CDH12: variants seen among roughly 807,000 people sequenced by gnomAD.
The protein encoded by CDH12 is cadherin 12.
A neutral mutation model predicts 74.1 loss-of-function variants in CDH12; 41 were observed. The observed-to-expected ratio is 0.55, with a 90% CI of 0.43 to 0.72. CDH12 has a LOEUF of 0.72. CDH12 is among the 30% of genes least tolerant of loss of function. The pLI, the probability that CDH12 is intolerant of heterozygous loss-of-function variation, is 0.00. For missense variants in CDH12, 945 were observed against 977.2 expected, an observed-to-expected ratio of 0.97 and a Z score of 0.44; for synonymous variants, 399 against 355.0, an observed-to-expected ratio of 1.12 and a Z score of -1.39.
chr5:22,470,415 T>A (rs569142965), intron 2 of CDH12, among the ~76,000 whole-genome samples: 3 of 72,054 alleles, frequency 4.2e-5, no homozygotes, highest in Non-Finnish European at 8.8e-5. Context: ...TATTTTATTT[T>A]ATTTATTTTA....
intron 2 of CDH12, among the ~76,000 whole-genome samples, chr5:22,489,821 G>A (rs1256488160): frequency 6.6e-6 from 1 of 151,040 alleles, no homozygotes; most frequent in East Asian, 2.0e-4. Flanking sequence ...TGGATTAGCT[G>A]GAACTACAGG....
intron 1 of CDH12, among the ~76,000 whole-genome samples, chr5:22,511,878 TAATG>T (rs1444958768): frequency 3.3e-5 from 5 of 152,288 alleles, no homozygotes; most frequent in African/African-American, 1.2e-4. Flanking sequence ...TTATTTCAAC[TAATG>T]AATTCATGAA....
At chr5:22,639,786 C>A (rs571808464) in intron 1 of CDH12, among the ~76,000 whole-genome samples, 1 of 152,078 alleles carries the variant, frequency 6.6e-6, no homozygotes, top group African/African-American at 2.4e-5. Flanking sequence ...CAGAGTAGAA[C>A]ATGAAACATT....
intron 8 of CDH12, among the ~76,000 whole-genome samples, chr5:21,831,416 A>G (rs1749014794): frequency 6.6e-6 from 1 of 152,160 alleles, no homozygotes; most frequent in Non-Finnish European, 1.5e-5. Flanking sequence ...TTAATATACA[A>G]TTTTAATGGT....
At chr5:22,352,643 T>C (rs1022101429) in intron 3 of CDH12, among the ~76,000 whole-genome samples, 5 of 152,164 alleles carry the variant, frequency 3.3e-5, no homozygotes, top group African/African-American at 1.2e-4. Context: ...TGGATACCAT[T>C]AATGGTTATT....
chr5:22,468,405 T>C (rs941784124), intron 2 of CDH12, among the ~76,000 whole-genome samples: 1 of 152,192 alleles, frequency 6.6e-6, no homozygotes, highest in African/African-American at 2.4e-5. Flanking sequence ...TCTTTATTGA[T>C]AGACACACTA....
intron 1 of CDH12, among the ~76,000 whole-genome samples, chr5:22,747,344 C>T (rs1203748241): frequency 6.6e-6 from 1 of 151,680 alleles, no homozygotes; most frequent in African/African-American, 2.4e-5. Flanking sequence ...CAGTAAAAGA[C>T]CAGGTGTAGT....
intron 1 of CDH12, among the ~76,000 whole-genome samples, chr5:22,727,362 CCTT>C (rs1744212832): frequency 1.3e-5 from 2 of 151,596 alleles, no homozygotes; most frequent in Non-Finnish European, 1.5e-5. Context: ...CCTTTTTACT[CCTT>C]CTATCTTATT....
intron 1 of CDH12, among the ~76,000 whole-genome samples, chr5:22,751,339 C>CATATAT (rs10616177): frequency 7.3e-4 from 106 of 145,244 alleles, no homozygotes; most frequent in African/African-American, 2.5e-3. Context: ...ATATAATATA[C>CATATAT]ATATATATAT....
chr5:21,909,742 T>C (rs1753785776), intron 6 of CDH12, among the ~76,000 whole-genome samples: 4 of 152,182 alleles, frequency 2.6e-5, no homozygotes, highest in Admixed American at 6.5e-5. Flanking sequence ...TAGAGAGACA[T>C]GTGTAAACCC....
intron 11 of CDH12, among the ~76,000 whole-genome samples, chr5:21,765,468 T>C (rs1440030246): frequency 2.6e-5 from 4 of 151,228 alleles, no homozygotes; most frequent in Non-Finnish European, 2.9e-5. Flanking sequence ...ATTGGTTGGA[T>C]GATCTACATA....
In CDH12 at chr5:21,974,716, T is replaced by C. The variant is rs193088725; in HGVS notation, c.526+375A>G. On this transcript the variant is annotated intron_variant, in intron 6 of 14. Transcript: ENST00000382254. ...GACACATGCTTTAGATAATTTACTTTGATCTAGGAATTACTGTCTGGCATT... is the reference window on the plus strand; with the variant it reads ...GACACATGCTTTAGATAATTTACTTCGATCTAGGAATTACTGTCTGGCATT... 5.9e-5 allele frequency among the ~76,000 whole-genome samples: 9 copies of C among 152,288 alleles called. No homozygotes were observed. The East Asian group carries it at 1.4e-3, about 23-fold the overall frequency.
intron 1 of CDH12, among the ~76,000 whole-genome samples, chr5:22,852,812 T>C (rs1304025526): frequency 1.3e-5 from 2 of 152,230 alleles, no homozygotes; most frequent in African/African-American, 4.8e-5. Flanking sequence ...AAAACATTTC[T>C]TTCCTTCCTC....
chr5:22,404,632 C>G (rs73058183), intron 3 of CDH12, among the ~76,000 whole-genome samples: 1,749 of 152,202 alleles, frequency 0.011, 27 homozygotes, highest in African/African-American at 0.04. Context: ...AAGGTAATGA[C>G]TAGACCTTTA....
intron 3 of CDH12, among the ~76,000 whole-genome samples, chr5:22,314,025 C>T (rs1019276685): frequency 6.6e-6 from 1 of 152,080 alleles, no homozygotes; most frequent in Admixed American, 6.5e-5. Context: ...CTAGGGTTGA[C>T]GGCAGAAAGT....
At chr5:22,391,380 T>C (rs1022901600) in intron 3 of CDH12, among the ~76,000 whole-genome samples, 1 of 152,198 alleles carries the variant, frequency 6.6e-6, no homozygotes, top group Non-Finnish European at 1.5e-5. Flanking sequence ...TCAACAAATA[T>C]GTATTGAATG....
intron 4 of CDH12, among the ~76,000 whole-genome samples, chr5:22,159,501 T>C (rs560726985): frequency 6.6e-6 from 1 of 152,198 alleles, no homozygotes; most frequent in South Asian, 2.1e-4. Context: ...TCTATAATTA[T>C]AGCTTACATG....
intron 14 of CDH12, among the ~76,000 whole-genome samples, chr5:21,755,106 G>C (rs1744311317): frequency 6.6e-6 from 1 of 152,120 alleles, no homozygotes; most frequent in Non-Finnish European, 1.5e-5. Flanking sequence ...TTTACATTCT[G>C]TTTCTTTCTG....
chr5:22,246,094 C>G lies in CDH12; in HGVS notation c.-332-33451G>C, dbSNP rs540400630. Among the ~76,000 whole-genome samples the G allele has an allele frequency of 6.7e-5, 10 of 148,850 alleles. No homozygotes were observed. The East Asian group carries it at 1.9e-3, about 29-fold the overall frequency. On this transcript the variant is annotated intron_variant, in intron 3 of 14. Transcript: ENST00000382254. ...AATTCTACACTAACCATTTAGATTACTAACTAACTTACAACAAAATTATAC... is the reference window on the plus strand; with the variant it reads ...AATTCTACACTAACCATTTAGATTAGTAACTAACTTACAACAAAATTATAC...
Sources: gnomAD v4.1 joint callset for allele counts (sites outside exome capture counted in the v4.1 genomes callset) on GRCh38, gnomAD v4.1.1 for gene constraint, MANE v1.5 for transcripts, NCBI Gene and HGNC (gene_info 2026-07-23, HGNC 2026-07-21) for gene names.